C1orf94: variants seen among roughly 807,000 people sequenced by gnomAD.
The protein encoded by C1orf94 is uncharacterized protein C1orf94.
Under a neutral mutation model 53.6 loss-of-function variants are expected in C1orf94, and 45 were observed. The ratio of observed to expected loss-of-function variants is 0.84; its 90% CI spans 0.66 to 1.08. The LOEUF (loss-of-function observed/expected upper bound fraction) is 1.08. Ranked by LOEUF, C1orf94 falls within the 50% of genes least tolerant of loss-of-function variation. C1orf94 has a pLI of 0.00. For missense variants in C1orf94, 762 were observed against 738.9 expected (o/e 1.03, Z -0.36); for synonymous variants, 304 against 296.1 (o/e 1.03, Z -0.27).
At chr1:34,210,129 AT>A (rs1003007407) in intron 5 of C1orf94, among the ~76,000 whole-genome samples, 4 of 152,104 alleles carry the variant, frequency 2.6e-5, no homozygotes, top group South Asian at 2.1e-4. Flanking sequence ...TCAGGGGCAC[AT>A]TTTTTTATAA....
intron 1 of C1orf94, among the ~76,000 whole-genome samples, chr1:34,194,958 T>A (rs1642555977): frequency 6.6e-6 from 1 of 152,010 alleles, no homozygotes; most frequent in Non-Finnish European, 1.5e-5. Context: ...AGGAGGGGGA[T>A]CTAAAACTTG....
At chr1:34,175,732 T>C (rs1437611366), upstream of C1orf94, among the ~76,000 whole-genome samples, 1 of 151,950 alleles carries the variant, frequency 6.6e-6, no homozygotes, top group Non-Finnish European at 1.5e-5. Context: ...AGAAACATGA[T>C]CCTCATAATT....
chr1:34,218,731 T>A lies in C1orf94; in HGVS notation c.1767T>A (p.Phe589Leu), dbSNP rs754299629. ...SGGPLMHSPY[F>L]SSSGNGINF The stretch of plus-strand genomic sequence containing the variant: ...GGCCCTTGATGCACAGCCCCTATTT[T>A]TCTTCCAGTGGGAATGGCATAAACT... The change falls in exon 7 of 7, where the codon TTT becomes TTA. Residue 589 changes from phenylalanine to leucine, a missense_variant. Transcript: ENST00000488417. 88 of 1,612,802 alleles carry A rather than the reference T, an allele frequency of 5.5e-5. No homozygotes were observed. Among genetic ancestry groups the A allele is most frequent in the Middle Eastern group, 3.3e-4 (2 of 6,072 alleles).
intron 1 of C1orf94, among the ~76,000 whole-genome samples, chr1:34,187,697 C>G (rs1642404575): frequency 6.6e-6 from 1 of 151,036 alleles, no homozygotes; most frequent in South Asian, 2.1e-4. Flanking sequence ...TAGCTCCCAG[C>G]TGAAGACTCT....
intron 6 of C1orf94, among the ~76,000 whole-genome samples, chr1:34,213,380 G>T (rs1557491234): frequency 6.6e-6 from 1 of 152,148 alleles, no homozygotes; most frequent in African/African-American, 2.4e-5. Context: ...TCAGTAGTCA[G>T]ATCTGTTTGG....
intron 5 of C1orf94, among the ~76,000 whole-genome samples, chr1:34,209,351 C>A (rs1234959448): frequency 6.7e-6 from 1 of 150,132 alleles, no homozygotes; most frequent in Non-Finnish European, 1.5e-5. Flanking sequence ...TAGTTGTACA[C>A]ATGCCACCAA....
At chr1:34,180,048 G>A (rs1642291907) in intron 1 of C1orf94, among the ~76,000 whole-genome samples, 1 of 152,210 alleles carries the variant, frequency 6.6e-6, no homozygotes, top group Admixed American at 6.5e-5. Flanking sequence ...AAGGCGGTGT[G>A]CTGGTGGAGT....
chr1:34,213,665 C>G (rs886385677), intron 6 of C1orf94, among the ~76,000 whole-genome samples: 2 of 151,996 alleles, frequency 1.3e-5, no homozygotes, highest in African/African-American at 2.4e-5. Context: ...CTCAGCCTTC[C>G]GAGTAGCTGG....
intron 1 of C1orf94, among the ~76,000 whole-genome samples, chr1:34,192,692 G>T (rs1771369): frequency 0.13 from 20,151 of 152,116 alleles, 1,891 homozygotes; most frequent in African/African-American, 0.27. Context: ...AGAGGAAGGT[G>T]GGGGAGGGAC....
intron 1 of C1orf94, among the ~76,000 whole-genome samples, chr1:34,183,955 T>A (rs376048283): frequency 6.6e-6 from 1 of 152,128 alleles, no homozygotes; most frequent in South Asian, 2.1e-4. Flanking sequence ...CTTTATGAAC[T>A]TTCAACATCT....
upstream of C1orf94, among the ~76,000 whole-genome samples, chr1:34,173,803 C>T (rs555248199): frequency 1.3e-5 from 2 of 152,300 alleles, no homozygotes; most frequent in South Asian, 4.1e-4. Flanking sequence ...AAATAATTTA[C>T]AGATTAAATG....
intron 5 of C1orf94, among the ~76,000 whole-genome samples, chr1:34,210,259 C>T (rs933788782): frequency 6.6e-6 from 1 of 152,180 alleles, no homozygotes; most frequent in African/African-American, 2.4e-5. Context: ...GTCATGACTC[C>T]CATCTGACCT....
intron 4 of C1orf94, among the ~76,000 whole-genome samples, chr1:34,206,017 T>G (rs1363852306): frequency 6.6e-6 from 1 of 152,204 alleles, no homozygotes; most frequent in Non-Finnish European, 1.5e-5. Flanking sequence ...GTTGTTGAAG[T>G]CATGCAGTGT....
At chr1:34,195,280 G>A (rs373301385) in intron 1 of C1orf94, among the ~76,000 whole-genome samples, 1 of 152,278 alleles carries the variant, frequency 6.6e-6, no homozygotes, top group African/African-American at 2.4e-5. Flanking sequence ...TCACGTACCA[G>A]TGACCTCGCC....
intron 1 of C1orf94, among the ~76,000 whole-genome samples, chr1:34,195,703 G>T (rs547452647): frequency 6.6e-6 from 1 of 152,134 alleles, no homozygotes; most frequent in South Asian, 2.1e-4. Flanking sequence ...CTGATTGACT[G>T]TTAAATGCAG....
At chr1:34,183,059 A>C (rs997332176) in intron 1 of C1orf94, among the ~76,000 whole-genome samples, 2 of 152,176 alleles carry the variant, frequency 1.3e-5, no homozygotes, top group African/African-American at 2.4e-5. Context: ...CCAAGTTTCA[A>C]GCTTTCAAAA....
intron 1 of C1orf94, among the ~76,000 whole-genome samples, chr1:34,170,165 ATTCACTTACTC>A (rs1642124529): frequency 6.6e-6 from 1 of 152,220 alleles, no homozygotes; most frequent in South Asian, 2.1e-4. Flanking sequence ...TTGTGTAGTC[ATTCACTTACTC>A]TTCACTTACT....
intron 5 of C1orf94, among the ~76,000 whole-genome samples, chr1:34,211,981 T>C (rs115270982): frequency 0.012 from 1,776 of 152,184 alleles, 35 homozygotes; most frequent in African/African-American, 0.04. Flanking sequence ...ACAACGTAGA[T>C]AGTGTTTTCC....
At chr1:34,191,896 C>G (rs1642499153) in intron 1 of C1orf94, among the ~76,000 whole-genome samples, 1 of 152,108 alleles carries the variant, frequency 6.6e-6, no homozygotes, top group African/African-American at 2.4e-5. Context: ...ACTCTGTATA[C>G]CACAAATGCA....
Sources: gnomAD v4.1 joint callset for allele counts (sites outside exome capture counted in the v4.1 genomes callset) on GRCh38, gnomAD v4.1.1 for gene constraint, MANE v1.5 for transcripts, NCBI Gene and HGNC (gene_info 2026-07-23, HGNC 2026-07-21) for gene names.